Variants in GOSR2 observed in about 807,000 individuals in gnomAD.
The protein encoded by GOSR2 is golgi SNAP receptor complex member 2, also known as 27 kDa Golgi SNARE protein.
GOSR2 carries 20 observed loss-of-function variants against 27.9 expected under a neutral mutation model. The ratio of observed to expected loss-of-function variants is 0.72; its 90% CI spans 0.50 to 1.04. GOSR2 has a LOEUF of 1.04. Among genes scored for constraint, GOSR2 ranks in the 50% least tolerant of loss-of-function variants. The pLI, the probability that GOSR2 is intolerant of heterozygous loss-of-function variation, is 0.00. For missense variants in GOSR2, 261 were observed against 270.5 expected, an observed-to-expected ratio of 0.97 and a Z score of 0.25; for synonymous variants, 91 against 98.8, an observed-to-expected ratio of 0.92 and a Z score of 0.47.
chr17:46,970,831 C>A (rs1460422518), downstream of GOSR2, among the ~76,000 whole-genome samples: 1 of 152,222 alleles, frequency 6.6e-6, no homozygotes, highest in South Asian at 2.1e-4. Flanking sequence ...TCATCATACA[C>A]TGATAAGTGA....
chr17:46,974,509 T>C (rs1028386225), intron 6 of GOSR2, among the ~76,000 whole-genome samples: 4 of 151,632 alleles, frequency 2.6e-5, no homozygotes, highest in Non-Finnish European at 4.4e-5. Flanking sequence ...CCGAGGCGGG[T>C]GGATCACAAG....
downstream of GOSR2, among the ~76,000 whole-genome samples, chr17:46,970,555 A>C (rs909750063): frequency 1.4e-3 from 215 of 151,458 alleles, 1 homozygote; most frequent in African/African-American, 5.0e-3. Context: ...AAAAAAAAAA[A>C]AAAAACTCAA....
chr17:46,931,182 C>T lies in GOSR2; in HGVS notation c.178C>T (p.Pro60Ser). ...GGAGATTTTGTCCAGCAAGGAGCCC[C>T]CTAACAAAAGGCAAAATGCCAGACT... is the stretch of plus-strand genomic sequence containing the variant. Reference protein sequence around the residue: ...RLEILSSKEPPNKRQNARLRV... With the variant: ...RLEILSSKEPSNKRQNARLRV... The change falls in exon 3 of 6, where the codon CCT becomes TCT. Residue 60 changes from proline to serine, a missense_variant. Pro to Ser is a moderately conservative substitution (Grantham distance 74). Coordinates refer to ENST00000640051, the MANE Select transcript of GOSR2 (RefSeq NM_004287.5). The T allele has an allele frequency of 6.3e-7, 1 of 1,596,014 alleles. No homozygotes were observed. Among genetic ancestry groups the T allele is most frequent in the South Asian group, 1.1e-5 (1 of 90,690 alleles).
At chr17:46,951,057 T>G (rs960175600) in intron 6 of GOSR2, among the ~76,000 whole-genome samples, 1 of 152,170 alleles carries the variant, frequency 6.6e-6, no homozygotes, top group Non-Finnish European at 1.5e-5. Context: ...ACCATGTTCA[T>G]GCCAGGCACA....
intron 6 of GOSR2, among the ~76,000 whole-genome samples, chr17:46,973,473 C>CAACA (rs2147348026): frequency 6.6e-6 from 1 of 152,140 alleles, no homozygotes; most frequent in South Asian, 2.1e-4. Context: ...TCTGTTGCTT[C>CAACA]GTTGTTGAAA....
chr17:46,936,965 T>C (rs1365493015), intron 5 of GOSR2: 1 of 195,038 alleles, frequency 5.1e-6, no homozygotes, highest in African/African-American at 2.6e-5. Context: ...GTGTATTTAT[T>C]AAAAAAAAAA....
chr17:46,971,270 G>A (rs1296401469), downstream of GOSR2, among the ~76,000 whole-genome samples: 1 of 152,164 alleles, frequency 6.6e-6, no homozygotes, highest in Admixed American at 6.5e-5. Flanking sequence ...TTGGGAGGCA[G>A]AGGTTGCAGT....
chr17:46,951,660 C>A (rs1705577973), intron 6 of GOSR2, among the ~76,000 whole-genome samples: 1 of 152,202 alleles, frequency 6.6e-6, no homozygotes, highest in African/African-American at 2.4e-5. Flanking sequence ...CCCCGTTCCC[C>A]TCTGCACAAC....
rs2089314394 is a variant in GOSR2 at position 46,941,784 on chromosome 17, C to T, written c.*3024C>T. 1 of 189,376 alleles carries T rather than the reference C, an allele frequency of 5.3e-6. No homozygotes were observed. Among genetic ancestry groups the T allele is most frequent in the Admixed American group, 6.8e-5 (1 of 14,806 alleles). 11.7% of individuals were successfully genotyped at this position (189,376 alleles called of 1,614,324 possible). On this transcript the variant is annotated 3_prime_UTR_variant, in exon 6 of 6. Coordinates refer to ENST00000640051, the MANE Select transcript of GOSR2 (RefSeq NM_004287.5). Reference sequence around the variant, plus strand: ...ATTTTTTAGTAGAGACAGGGTTTTACTATGTTGACCAGATTGGTCTTAAAC... The same window carrying T: ...ATTTTTTAGTAGAGACAGGGTTTTATTATGTTGACCAGATTGGTCTTAAAC...
Position 46,941,066 on chromosome 17 carries a change from T to C in GOSR2, c.*2306T>C, listed in dbSNP as rs1000481244. 3.7e-6 allele frequency: 4 copies of C among 1,082,300 alleles called. No individual in the cohort carries two copies. Among genetic ancestry groups the C allele is most frequent in the African/African-American group, 1.6e-5 (1 of 61,290 alleles). 67.0% of individuals were successfully genotyped at this position (1,082,300 alleles called of 1,614,324 possible). On this transcript the variant is annotated 3_prime_UTR_variant, in exon 6 of 6. Transcript: ENST00000640051. ...GCAAGAAACTCCGGTAGCCAGCCTCTGTGACCTTGTACATGAGTTTGGTGT... is the reference window on the plus strand; with the variant it reads ...GCAAGAAACTCCGGTAGCCAGCCTCCGTGACCTTGTACATGAGTTTGGTGT...
intron 6 of GOSR2, among the ~76,000 whole-genome samples, chr17:46,965,999 C>T (rs983520188): frequency 6.6e-6 from 1 of 151,386 alleles, no homozygotes; most frequent in Admixed American, 6.6e-5. Flanking sequence ...AGCCCACCAT[C>T]TTGACCTAAC....
At chr17:46,954,907 A>G (rs2090608238) in intron 6 of GOSR2, among the ~76,000 whole-genome samples, 1 of 151,474 alleles carries the variant, frequency 6.6e-6, no homozygotes, top group African/African-American at 2.4e-5. Context: ...ATCAGCTTAA[A>G]GAGATTTTGG....
At chr17:46,969,203 C>A (rs548500564), downstream of GOSR2, among the ~76,000 whole-genome samples, 55 of 152,350 alleles carry the variant, frequency 3.6e-4, no homozygotes, top group Middle Eastern at 0.02. Context: ...GTTTCCAGAG[C>A]CTTCTTATGG....
Position 46,941,188 on chromosome 17 carries a change from CAAACTCCAAGACCAAGTAAGT to C in GOSR2, c.*2429_*2449del, listed in dbSNP as rs1164475135. ...TCAGGGGGACCACTGTAAGAAAAGC[CAAACTCCAAGACCAAGTAAGT>C]TAGAGGAGTCTTGATTTTTTAGACT... On this transcript the variant is annotated 3_prime_UTR_variant, in exon 6 of 6. Transcript: ENST00000640051. The C allele has an allele frequency of 6.0e-6, 6 of 1,003,906 alleles. No individual in the cohort carries two copies. In the East Asian group the frequency reaches 5.7e-4, roughly 96 times the overall value. The allele number at this position is 1,003,906 out of a possible 1,614,324, so 62.2% of individuals were successfully genotyped here. A position where few individuals can be genotyped will look rare whatever the true frequency, so the allele number is the denominator to read the frequency against.
At chr17:46,938,524 TCTC>T in intron 5 of GOSR2, 72 bp from the exon 6 acceptor site, 1 of 1,607,468 alleles carries the variant, frequency 6.2e-7, no homozygotes, top group East Asian at 2.2e-5. Context: ...CAAAGCTCCA[TCTC>T]CTGATGCCAT....
At chr17:46,923,878 T>C (rs2086092841) in intron 1 of GOSR2, 2 of 398,622 alleles carry the variant, frequency 5.0e-6, no homozygotes, top group Non-Finnish European at 8.8e-6. Flanking sequence ...TGAGTATTAA[T>C]GGGGCCATAC....
chr17:46,960,561 A>G (rs1169634604), intron 6 of GOSR2, among the ~76,000 whole-genome samples: 1 of 152,256 alleles, frequency 6.6e-6, no homozygotes, highest in Non-Finnish European at 1.5e-5. Flanking sequence ...ACTCTACATG[A>G]GGATTTATTT....
downstream of GOSR2, among the ~76,000 whole-genome samples, chr17:46,943,031 CCT>C (rs545655832): frequency 1.4e-3 from 207 of 152,284 alleles, no homozygotes; most frequent in African/African-American, 4.7e-3. Flanking sequence ...TTCCATTCAC[CCT>C]CTTATTAATT....
chr17:46,965,460 C>A (rs1246850930), intron 6 of GOSR2, among the ~76,000 whole-genome samples: 1 of 152,086 alleles, frequency 6.6e-6, no homozygotes, highest in African/African-American at 2.4e-5. Flanking sequence ...GATTGGGGCA[C>A]CCTGGAGCAG....
Sources: gnomAD v4.1 joint callset for allele counts (sites outside exome capture counted in the v4.1 genomes callset) on GRCh38, gnomAD v4.1.1 for gene constraint, MANE v1.5 for transcripts, NCBI Gene and HGNC (gene_info 2026-07-23, HGNC 2026-07-21) for gene names.